BMPR1B: variants seen among roughly 807,000 people sequenced by gnomAD.
BMPR1B encodes the protein bone morphogenetic protein receptor type 1B.
BMPR1B carries 12 observed loss-of-function variants against 59.1 expected under a neutral mutation model. That is an observed-to-expected ratio of 0.20 (90% confidence interval 0.13 to 0.33). BMPR1B has a LOEUF of 0.33. BMPR1B is among the 10% of genes least tolerant of loss of function. The pLI, the probability that BMPR1B is intolerant of heterozygous loss-of-function variation, is 1.00. For missense variants in BMPR1B, 550 were observed against 610.9 expected (o/e 0.90, Z 1.05); for synonymous variants, 237 against 207.3 (o/e 1.14, Z -1.23).
chr4:95,139,683 G>T lies in BMPR1B; in HGVS notation c.1076+8171G>T, dbSNP rs185123473. ...TCAGACTGCTGTGCTAGCAATGAGC[G>T]AGGCTCCATGGGCGTGGGACCCTCC... On this transcript the variant is annotated intron_variant, in intron 10 of 12. Transcript: ENST00000515059. Among the ~76,000 whole-genome samples, 889 of 152,240 alleles carry T rather than the reference G, an allele frequency of 5.8e-3. 8 individuals are homozygous for T. The highest frequency in any genetic ancestry group is 1.0e-2 in the Non-Finnish European group (680 of 68,020).
chr4:94,894,748 A>C (rs1401713045), intron 2 of BMPR1B, among the ~76,000 whole-genome samples: 1 of 151,674 alleles, frequency 6.6e-6, no homozygotes, highest in East Asian at 1.9e-4. Flanking sequence ...TATTTGAGGA[A>C]AGTAAACTTG....
intron 2 of BMPR1B, among the ~76,000 whole-genome samples, chr4:94,917,569 T>G (rs2149019736): frequency 6.6e-6 from 1 of 152,286 alleles, no homozygotes; most frequent in South Asian, 2.1e-4. Context: ...TTGGCCAGTC[T>G]CTCCCCTTTA....
At chr4:95,072,609 A>G (rs1036336157) in intron 3 of BMPR1B, among the ~76,000 whole-genome samples, 4 of 152,188 alleles carry the variant, frequency 2.6e-5, no homozygotes, top group South Asian at 2.1e-4. Context: ...TTTTTCATGT[A>G]TATTGAAACT....
Position 95,154,966 on chromosome 4 carries a change from T to TG in BMPR1B, c.*293_*294insG. On this transcript the variant is annotated 3_prime_UTR_variant, in exon 13 of 13. Transcript: ENST00000515059. ...AGCCCTGTATTTTGTGATTGCCTTT[T>TG]TTTTTTTTTAAGATGCTTTCATTTT... The TG allele has an allele frequency of 2.8e-6, 1 of 354,562 alleles. No individual in the cohort carries two copies. The highest frequency in any genetic ancestry group is 5.9e-5 in the East Asian group (1 of 16,936). The allele number at this position is 354,562 out of a possible 1,614,324, so 22.0% of individuals were successfully genotyped here. A position where few individuals can be genotyped will look rare whatever the true frequency, so the allele number is the denominator to read the frequency against.
At chr4:95,095,539 C>T (rs1223244396) in intron 3 of BMPR1B, among the ~76,000 whole-genome samples, 1 of 152,052 alleles carries the variant, frequency 6.6e-6, no homozygotes, top group African/African-American at 2.4e-5. Flanking sequence ...TCTCTTCTTG[C>T]CCCTGCCTGC....
chr4:95,015,773 A>G lies in BMPR1B; in HGVS notation c.-18+19639A>G, dbSNP rs367766350. Among the ~76,000 whole-genome samples the G allele has an allele frequency of 2.4e-4, 37 of 151,746 alleles. No individual in the cohort carries two copies. In the South Asian group the frequency reaches 7.1e-3, roughly 29 times the overall value. ...AGTGGCACGGTCTCGGCTCACTGCAACCTCTGCCTCCCAGGTTCAAGTGAT... is the reference window on the plus strand; with the variant it reads ...AGTGGCACGGTCTCGGCTCACTGCAGCCTCTGCCTCCCAGGTTCAAGTGAT... On this transcript the variant is annotated intron_variant, in intron 3 of 12. Transcript: ENST00000515059.
chr4:95,050,233 G>A (rs1288451695), intron 3 of BMPR1B, among the ~76,000 whole-genome samples: 1 of 152,096 alleles, frequency 6.6e-6, no homozygotes, highest in African/African-American at 2.4e-5. Context: ...CTAACTAAAA[G>A]GGATATGGAT....
chr4:95,103,179 T>C (rs776062987), intron 3 of BMPR1B, among the ~76,000 whole-genome samples: 6 of 152,118 alleles, frequency 3.9e-5, no homozygotes, highest in Non-Finnish European at 8.8e-5. Context: ...TTTTTTTCTG[T>C]AAGAATTTGA....
At chr4:94,956,484 G>T (rs567290214) in intron 2 of BMPR1B, among the ~76,000 whole-genome samples, 4 of 152,126 alleles carry the variant, frequency 2.6e-5, no homozygotes, top group African/African-American at 9.6e-5. Context: ...TTTAATTGAG[G>T]TCAGCACATC....
intron 1 of BMPR1B, among the ~76,000 whole-genome samples, chr4:94,832,686 G>A (rs1724647949): frequency 6.6e-6 from 1 of 152,170 alleles, no homozygotes; most frequent in Non-Finnish European, 1.5e-5. Context: ...AGGAGGCTGA[G>A]GCAGGAGAAT....
At chr4:94,785,404 A>T (rs1358734272) in intron 1 of BMPR1B, among the ~76,000 whole-genome samples, 1 of 152,208 alleles carries the variant, frequency 6.6e-6, no homozygotes, top group Non-Finnish European at 1.5e-5. Flanking sequence ...GTCGTCAGGG[A>T]GCTGACAATG....
chr4:94,966,716 T>A lies in BMPR1B; in HGVS notation c.-112-29324T>A, dbSNP rs530593858. Among the ~76,000 whole-genome samples, 99 of 152,160 alleles carry A rather than the reference T, an allele frequency of 6.5e-4. 1 individual carries two copies. The highest frequency in any genetic ancestry group is 2.2e-3 in the African/African-American group (93 of 41,524). On this transcript the variant is annotated intron_variant, in intron 2 of 12. Transcript: ENST00000515059. ...ATATTTGTAAATATTCTCAAGAGAG[T>A]TTAGGACTTAACTTTCATGCCTGAA...
intron 1 of BMPR1B, among the ~76,000 whole-genome samples, chr4:94,761,449 G>A (rs931090646): frequency 1.4e-5 from 2 of 138,382 alleles, no homozygotes; most frequent in Non-Finnish European, 1.6e-5. Flanking sequence ...GTGTGTGTGT[G>A]TGTGTGTGTG....
chr4:95,059,427 T>C (rs1478581954), intron 3 of BMPR1B, among the ~76,000 whole-genome samples: 4 of 152,108 alleles, frequency 2.6e-5, no homozygotes, highest in South Asian at 4.1e-4. Context: ...GATGTTCAAA[T>C]TGGGGGAAGA....
At chr4:95,135,474 C>T (rs6532532) in intron 10 of BMPR1B, among the ~76,000 whole-genome samples, 136,820 of 152,122 alleles carry the variant, frequency 0.9, 61,954 homozygotes, top group Middle Eastern at 0.97. Flanking sequence ...TTTCACGATA[C>T]TGATTCTTCC....
intron 3 of BMPR1B, among the ~76,000 whole-genome samples, chr4:95,061,428 A>G (rs1034910354): frequency 6.6e-6 from 1 of 152,170 alleles, no homozygotes; most frequent in Non-Finnish European, 1.5e-5. Flanking sequence ...TTTCCTTTCA[A>G]GTAAGAACGG....
At chr4:95,012,636 T>G (rs2149125913) in intron 3 of BMPR1B, among the ~76,000 whole-genome samples, 1 of 152,326 alleles carries the variant, frequency 6.6e-6, no homozygotes, top group East Asian at 1.9e-4. Context: ...CAGTTATTTT[T>G]GATGCTTTTC....
At chr4:94,877,048 AAT>A (rs2148974629) in intron 2 of BMPR1B, among the ~76,000 whole-genome samples, 1 of 152,308 alleles carries the variant, frequency 6.6e-6, no homozygotes, top group East Asian at 1.9e-4. Context: ...CTATAAATAC[AAT>A]ATATATGTTT....
intron 2 of BMPR1B, among the ~76,000 whole-genome samples, chr4:94,915,267 CTTTG>C (rs1377865325): frequency 1.3e-5 from 2 of 151,798 alleles, no homozygotes; most frequent in East Asian, 3.9e-4. Flanking sequence ...TTTTTTTCTT[CTTTG>C]TTTTTTATAA....
Sources: gnomAD v4.1 joint callset for allele counts (sites outside exome capture counted in the v4.1 genomes callset) on GRCh38, gnomAD v4.1.1 for gene constraint, MANE v1.5 for transcripts, NCBI Gene and HGNC (gene_info 2026-07-23, HGNC 2026-07-21) for gene names.